SLC39A9: variants seen among roughly 807,000 people sequenced by gnomAD.
SLC39A9 encodes the protein solute carrier family 39 member 9, also known as zinc transporter ZIP9.
In SLC39A9, 14 loss-of-function variants were observed where a neutral mutation model predicts 28.4. The ratio of observed to expected loss-of-function variants is 0.49; its 90% CI spans 0.33 to 0.77. SLC39A9 has a LOEUF of 0.77. SLC39A9 is among the 30% of genes least tolerant of loss of function. SLC39A9 has a pLI of 0.02. For synonymous variants in SLC39A9, 119 were observed against 149.6 expected (o/e 0.80, Z 1.49); for missense variants, 283 against 381.1 (o/e 0.74, Z 2.14).
At chr14:69,438,517 TA>T (rs1884890567) in intron 2 of SLC39A9, among the ~76,000 whole-genome samples, 1 of 152,154 alleles carries the variant, frequency 6.6e-6, no homozygotes, top group South Asian at 2.1e-4. Context: ...CTAATTAATG[TA>T]AAAAGGAACC....
rs764507822 is a variant in SLC39A9, at chr14:69,431,632, G to A, written c.205+7430G>A. Among the ~76,000 whole-genome samples, 35 of 150,310 alleles carry A rather than the reference G, an allele frequency of 2.3e-4. 1 individual carries two copies. The highest frequency in any genetic ancestry group is 6.9e-3 in the Middle Eastern group (2 of 290). ...GGTTTGTTACCTGGGTCTATTTCACGATGCTGAGGTTTGGGGTACAAATGA... is the reference window on the plus strand; with the variant it reads ...GGTTTGTTACCTGGGTCTATTTCACAATGCTGAGGTTTGGGGTACAAATGA... On this transcript the variant is annotated intron_variant, in intron 2 of 6. Transcript: ENST00000336643.
At chr14:69,425,970 G>A (rs1427970378) in intron 2 of SLC39A9, among the ~76,000 whole-genome samples, 5 of 152,062 alleles carry the variant, frequency 3.3e-5, no homozygotes, top group Admixed American at 6.6e-5. Context: ...CAGCCCAGGT[G>A]TAGTTTAAGA....
chr14:69,400,363 T>C (rs3759770), intron 1 of SLC39A9, among the ~76,000 whole-genome samples: 85,689 of 152,130 alleles, frequency 0.56, 24,919 homozygotes, highest in African/African-American at 0.7. Context: ...CTTGAACAGA[T>C]GTTAAGCGAG....
In SLC39A9 at chr14:69,461,804, A is replaced by G; in HGVS notation, c.*3211A>G. ...CGTATGACAGCAGCACAAACCCCCA[A>G]AGGATGTTCCTGCCTTGTGGGCCCC... On this transcript the variant is annotated 3_prime_UTR_variant, in exon 7 of 7. Transcript: ENST00000336643. 3 of 1,480,028 alleles carry G rather than the reference A, an allele frequency of 2.0e-6. No homozygotes were observed. Among genetic ancestry groups the G allele is most frequent in the Non-Finnish European group, 2.7e-6 (3 of 1,104,574 alleles). The allele number at this position is 1,480,028 out of a possible 1,614,324, so 91.7% of individuals were successfully genotyped here.
chr14:69,447,257 C>G (rs1452782137), intron 3 of SLC39A9, among the ~76,000 whole-genome samples: 1 of 152,138 alleles, frequency 6.6e-6, no homozygotes, highest in African/African-American at 2.4e-5. Context: ...CTCAGATCAG[C>G]CTCCTTACAG....
intron 1 of SLC39A9, among the ~76,000 whole-genome samples, chr14:69,401,213 ATTG>A (rs1290124893): frequency 1.3e-5 from 2 of 152,022 alleles, no homozygotes; most frequent in African/African-American, 4.8e-5. Context: ...GAAGTTTATT[ATTG>A]TTGTTCTTTA....
intron 2 of SLC39A9, among the ~76,000 whole-genome samples, chr14:69,435,308 C>T (rs754183373): frequency 6.6e-6 from 1 of 152,110 alleles, no homozygotes; most frequent in Non-Finnish European, 1.5e-5. Context: ...CCTCTTTATT[C>T]CTGGTAATAT....
In SLC39A9 at chr14:69,459,619, AG is replaced by A. The variant is rs1188234582; in HGVS notation, c.*1028del. ...CAATCCCTCTAGGGACCTAAATACT[AG>A]GTCAGCTTTGGCGACACTGTGTCTT... On this transcript the variant is annotated 3_prime_UTR_variant, in exon 7 of 7. Transcript: ENST00000336643. 1.0e-6 allele frequency: 1 copy of A among 980,806 alleles called. No individual in the cohort carries two copies. Among genetic ancestry groups the A allele is most frequent in the African/African-American group, 1.8e-5 (1 of 56,494 alleles). The allele number at this position is 980,806 out of a possible 1,614,324, so 60.8% of individuals were successfully genotyped here.
At chr14:69,421,629 C>A (rs1275835236) in intron 1 of SLC39A9, among the ~76,000 whole-genome samples, 3 of 152,224 alleles carry the variant, frequency 2.0e-5, no homozygotes, top group African/African-American at 7.2e-5. Context: ...CGGAGGCAGG[C>A]AGGCCTCCTT....
In SLC39A9 at chr14:69,399,344, G is replaced by A; in HGVS notation, c.-26G>A. 2 of 1,605,476 alleles carry A rather than the reference G, an allele frequency of 1.2e-6. No homozygotes were observed. Among genetic ancestry groups the A allele is most frequent in the Non-Finnish European group, 1.7e-6 (2 of 1,173,032 alleles). On this transcript the variant is annotated 5_prime_UTR_variant, in exon 1 of 7. Transcript: ENST00000336643. ...GCCACTGGAAATTTGTTGTCTAGTG[G>A]TTGTGGGTGAATAAAGGAGGGCAGA...
At chr14:69,400,748 A>G (rs1882585953) in intron 1 of SLC39A9, among the ~76,000 whole-genome samples, 1 of 152,218 alleles carries the variant, frequency 6.6e-6, no homozygotes, top group Non-Finnish European at 1.5e-5. Flanking sequence ...CCATAGCCAG[A>G]TGGAACAGAT....
At position 69,455,777 on chromosome 14, in the gene SLC39A9, T is replaced by G. The variant is rs1885829270; in HGVS notation, c.604T>G (p.Leu202Val). The G allele has an allele frequency of 4.3e-6, 7 of 1,614,212 alleles. No homozygotes were observed. The highest frequency in any genetic ancestry group is 5.1e-6 in the Non-Finnish European group (6 of 1,180,036). ...GGTTTCCTTCTTGATGCATGCTGGC[T>G]TAGAGCGGAATCGAATCAGAAAGCA... ...GLVSFLMHAG[L>V]ERNRIRKHLL... Residue 202 changes from leucine to valine, a missense_variant, in exon 6 of 7, where the codon TTA (leucine) becomes GTA (valine). By Grantham distance (32) the Leu-to-Val change is conservative. Transcript: ENST00000336643.
intron 1 of SLC39A9, among the ~76,000 whole-genome samples, chr14:69,406,829 G>T: frequency 1.4e-5 from 2 of 146,222 alleles, no homozygotes; most frequent in South Asian, 2.2e-4. Flanking sequence ...ATAAATATTA[G>T]TTAGACTGGA....
At chr14:69,428,850 A>G (rs914308907) in intron 2 of SLC39A9, 2 of 152,246 alleles carry the variant, frequency 1.3e-5, no homozygotes, top group East Asian at 1.9e-4. Context: ...TAGAGTGCCA[A>G]TGAACCATAA....
rs1421853343 is a variant in SLC39A9, at chr14:69,458,620, G to A, written c.*27G>A. 6 of 1,565,064 alleles carry A rather than the reference G, an allele frequency of 3.8e-6. No homozygotes were observed. The highest frequency in any genetic ancestry group is 5.2e-6 in the Non-Finnish European group (6 of 1,151,006). On this transcript the variant is annotated 3_prime_UTR_variant, in exon 7 of 7. Coordinates refer to ENST00000336643, the MANE Select transcript of SLC39A9 (RefSeq NM_018375.5). Reference sequence around the variant, plus strand: ...TGTTCAAGGTCCAGCCTTGGTCCAGGGCCGTTTGCCATCCAGTGAGAACAG... The same window carrying A: ...TGTTCAAGGTCCAGCCTTGGTCCAGAGCCGTTTGCCATCCAGTGAGAACAG...
In SLC39A9 at chr14:69,424,178, G is replaced by T. The variant is rs1199960590; in HGVS notation, c.181G>T (p.Ala61Ser). ...AGTCATCGTGCCTGAAGGAGTACAT[G>T]CCCTTTATGAAGATATTCTTGAGGG... ...LAVIVPEGVH[A>S]LYEDILEGKH... Residue 61 changes from alanine (A) to serine (S), a missense_variant, in exon 2 of 7, where the codon GCC (alanine) becomes TCC (serine). By Grantham distance (99) the Ala-to-Ser change is moderately conservative. Transcript: ENST00000336643. 1 of 1,613,196 alleles carries T rather than the reference G, an allele frequency of 6.2e-7. No individual in the cohort carries two copies. The highest frequency in any genetic ancestry group is 8.5e-7 in the Non-Finnish European group (1 of 1,179,360).
At chr14:69,448,891 A>C (rs1190138263) in intron 3 of SLC39A9, among the ~76,000 whole-genome samples, 1 of 117,828 alleles carries the variant, frequency 8.5e-6, no homozygotes, top group Non-Finnish European at 2.1e-5. Context: ...AGAGAAAAAG[A>C]ATGTGTGTGT....
At chr14:69,438,221 A>G (rs958247309) in intron 2 of SLC39A9, among the ~76,000 whole-genome samples, 2 of 152,054 alleles carry the variant, frequency 1.3e-5, no homozygotes, top group Non-Finnish European at 1.5e-5. Flanking sequence ...GGGTTTCACC[A>G]TGTTGGCCAG....
At chr14:69,455,998 A>C (rs760143978) in intron 6 of SLC39A9, 132 bp downstream of exon 6, 1 of 1,048,844 alleles carries the variant, frequency 9.5e-7, no homozygotes, top group Non-Finnish European at 1.3e-6. Context: ...AAAACTATAC[A>C]GGGTAAATAT....
Sources: gnomAD v4.1 joint callset for allele counts (sites outside exome capture counted in the v4.1 genomes callset) on GRCh38, gnomAD v4.1.1 for gene constraint, MANE v1.5 for transcripts, NCBI Gene and HGNC (gene_info 2026-07-23, HGNC 2026-07-21) for gene names.